PCAT7: variants seen among roughly 807,000 people sequenced by gnomAD.
The protein encoded by PCAT7 is prostate cancer associated transcript 7, also known as prostate cancer associated transcript 7 (non-protein coding).
chr9:94,562,479 A>G (rs1394259227), intron 2 of PCAT7, among the ~76,000 whole-genome samples: 1 of 152,090 alleles, frequency 6.6e-6, no homozygotes, highest in African/African-American at 2.4e-5. Flanking sequence ...GAAGAGAAAC[A>G]CCTGATACAC....
At chr9:94,571,354 C>T (rs1180939384) in intron 2 of PCAT7, 25 of 1,220,674 alleles carry the variant, frequency 2.0e-5, no homozygotes, top group Non-Finnish European at 2.6e-5. Context: ...CCCCTGGTCC[C>T]CAAAACAAGT....
chr9:94,563,253 C>G (rs1349768586), intron 2 of PCAT7: 3 of 1,426,244 alleles, frequency 2.1e-6, no homozygotes, highest in Admixed American at 2.1e-5. Context: ...TGCCATGAAG[C>G]AGTGCAGTAG....
chr9:94,565,585 A>T (rs1478079261), intron 2 of PCAT7, among the ~76,000 whole-genome samples: 1 of 152,214 alleles, frequency 6.6e-6, no homozygotes, highest in Non-Finnish European at 1.5e-5. Context: ...AACTATCAGG[A>T]ACTAGAGATG....
At chr9:94,563,853 A>C (rs1241917889) in intron 2 of PCAT7, among the ~76,000 whole-genome samples, 1 of 152,256 alleles carries the variant, frequency 6.6e-6, no homozygotes, top group East Asian at 1.9e-4. Flanking sequence ...AATTTCAGAC[A>C]AAATAGACTT....
At chr9:94,556,325 A>G (rs946563848) in intron 1 of PCAT7, among the ~76,000 whole-genome samples, 2 of 151,674 alleles carry the variant, frequency 1.3e-5, no homozygotes, top group African/African-American at 2.4e-5. Context: ...ACGGTGGGAG[A>G]AAGTGTTTGG....
chr9:94,567,854 C>T (rs935522540), intron 2 of PCAT7: 24 of 159,000 alleles, frequency 1.5e-4, no homozygotes, highest in African/African-American at 2.9e-4. Flanking sequence ...ACAGGCTGGG[C>T]GCAGTGGCTT....
chr9:94,567,795 G>T (rs921944824), intron 2 of PCAT7: 1 of 185,866 alleles, frequency 5.4e-6, no homozygotes, highest in Non-Finnish European at 1.1e-5. Flanking sequence ...GTGAGAGGAA[G>T]AAGTTACATT....
upstream of PCAT7, chr9:94,554,966 A>G (rs572719524): frequency 6.6e-6 from 1 of 152,196 alleles, no homozygotes; most frequent in Non-Finnish European, 1.5e-5. Flanking sequence ...TGGATGAGAG[A>G]AAAACCTCTA....
intron 1 of PCAT7, among the ~76,000 whole-genome samples, chr9:94,558,360 T>C (rs922644228): frequency 1.3e-5 from 2 of 152,204 alleles, no homozygotes; most frequent in Non-Finnish European, 2.9e-5. Flanking sequence ...AATGGCGCGA[T>C]CTCGGCTCAC....
chr9:94,557,923 G>A (rs1030584247), intron 1 of PCAT7, among the ~76,000 whole-genome samples: 1 of 152,186 alleles, frequency 6.6e-6, no homozygotes, highest in Non-Finnish European at 1.5e-5. Flanking sequence ...GACAAGTGAC[G>A]AGTCATTTAA....
chr9:94,571,591 A>C, intron 2 of PCAT7: 3 of 1,613,128 alleles, frequency 1.9e-6, no homozygotes, highest in Non-Finnish European at 2.5e-6. Context: ...CAGAAGGCTC[A>C]TCCTCTGAGG....
At chr9:94,564,688 A>G (rs889802198) in intron 2 of PCAT7, among the ~76,000 whole-genome samples, 3 of 152,116 alleles carry the variant, frequency 2.0e-5, no homozygotes, top group African/African-American at 7.2e-5. Flanking sequence ...GAGGGGGAGG[A>G]GCAGAAAAGA....
chr9:94,568,157 T>C (rs1274081925), intron 2 of PCAT7: 3 of 151,762 alleles, frequency 2.0e-5, no homozygotes, highest in East Asian at 3.9e-4. Context: ...GGTACAGTTA[T>C]TTTGTTTATG....
intron 2 of PCAT7, among the ~76,000 whole-genome samples, chr9:94,567,102 A>G (rs1451609995): frequency 5.4e-5 from 8 of 148,212 alleles, no homozygotes; most frequent in Non-Finnish European, 8.9e-5. Context: ...TTAGCTATAT[A>G]AGATACTGAA....
intron 2 of PCAT7, among the ~76,000 whole-genome samples, chr9:94,560,586 A>T (rs1827082858): frequency 6.6e-6 from 1 of 151,972 alleles, no homozygotes; most frequent in Non-Finnish European, 1.5e-5. Context: ...TGACCCAGCT[A>T]TGTGCAGCCT....
intron 1 of PCAT7, among the ~76,000 whole-genome samples, chr9:94,558,031 A>G (rs1161133496): frequency 6.6e-6 from 1 of 152,226 alleles, no homozygotes; most frequent in African/African-American, 2.4e-5. Context: ...TAATTTCTAA[A>G]TATTGACTCT....
intron 2 of PCAT7, among the ~76,000 whole-genome samples, chr9:94,572,826 T>G (rs1827283196): frequency 6.6e-6 from 1 of 152,262 alleles, no homozygotes. Flanking sequence ...TTTTGTGTGA[T>G]TGTAAATAGC....
intron 1 of PCAT7, among the ~76,000 whole-genome samples, chr9:94,556,208 G>T (rs1355460542): frequency 6.6e-6 from 1 of 151,378 alleles, no homozygotes; most frequent in African/African-American, 2.4e-5. Flanking sequence ...AAAAGACGGG[G>T]GAAAATGTTT....
chr9:94,563,713 TAA>T (rs1341595784), intron 2 of PCAT7, among the ~76,000 whole-genome samples: 1 of 129,816 alleles, frequency 7.7e-6, no homozygotes, highest in Non-Finnish European at 1.7e-5. Flanking sequence ...GCAGCAATCT[TAA>T]AAGAGCCGCT....
Sources: allele counts gnomAD v4.1 joint callset (sites outside exome capture counted in the v4.1 genomes callset), GRCh38; gene constraint gnomAD v4.1.1; transcripts MANE v1.5; gene names NCBI Gene and HGNC (gene_info 2026-07-23, HGNC 2026-07-21).